LSM14A: variants seen among roughly 807,000 people sequenced by gnomAD.
The protein encoded by LSM14A is LSM14A mRNA processing body assembly factor.
A neutral mutation model predicts 52.4 loss-of-function variants in LSM14A; 14 were observed. The observed-to-expected ratio is 0.27, with a 90% CI of 0.18 to 0.42. LSM14A has a LOEUF of 0.42. Ranked by LOEUF, LSM14A falls within the 10% of genes least tolerant of loss-of-function variation. The pLI, the probability that LSM14A is intolerant of heterozygous loss-of-function variation, is 1.00. For missense variants in LSM14A, 417 were observed against 581.8 expected, an observed-to-expected ratio of 0.72 and a Z score of 2.91; for synonymous variants, 185 against 200.3, an observed-to-expected ratio of 0.92 and a Z score of 0.64.
In LSM14A at chr19:34,196,682, G is replaced by A; in HGVS notation, c.334G>A (p.Gly112Arg). The A allele has an allele frequency of 6.2e-7, 1 of 1,613,680 alleles. No individual in the cohort carries two copies. Among genetic ancestry groups the A allele is most frequent in the Non-Finnish European group, 8.5e-7 (1 of 1,179,840 alleles). The change falls in exon 3 of 10, where the codon GGA (glycine) becomes AGA (arginine). Residue 112 changes from glycine to arginine, a missense_variant. Physicochemically the swap from Gly to Arg is moderately radical, Grantham distance 125. Around this residue, in one of 2 missense-constraint regions of LSM14A, gnomAD observed 357 missense variants for 457.0 expected, o/e 0.78. Coordinates refer to ENST00000544216, the MANE Select transcript of LSM14A (RefSeq NM_015578.4). ...TSSFQSMGSY[G>R]PFGRMPTYSQ... is the part of the protein sequence containing the mutation. ...TTCATTCCAGTCCATGGGTTCTTATGGACCTTTCGGCAGGATGCCCACATA... is the reference window on the plus strand; with the variant it reads ...TTCATTCCAGTCCATGGGTTCTTATAGACCTTTCGGCAGGATGCCCACATA...
At position 34,172,658 on chromosome 19, in the gene LSM14A, C is replaced by T. The variant is rs1908116594; in HGVS notation, c.16C>T (p.Pro6Ser). ...CGGCGGCGCCATGAGCGGGGGCACC[C>T]CTTACATCGGCAGCAAGATCAGCCT... MSGGTPYIGSKISLIS... is the reference protein window; with the variant it reads MSGGTSYIGSKISLIS... The change falls in exon 1 of 10, where the codon CCT (proline) becomes TCT (serine). Residue 6 changes from proline (P) to serine (S), a missense_variant. Pro to Ser is a moderately conservative substitution (Grantham distance 74). Transcript: ENST00000544216. 1 of 1,573,934 alleles carries T rather than the reference C, an allele frequency of 6.4e-7. No individual in the cohort carries two copies. The highest frequency in any genetic ancestry group is 8.6e-7 in the Non-Finnish European group (1 of 1,162,120).
chr19:34,227,422 C>T lies in LSM14A; in HGVS notation c.*34C>T. ...CAAGTCTCTGAAAATAGGTGAATTT[C>T]TAGCTCTTCATGGTCCTGAACATTG... On this transcript the variant is annotated 3_prime_UTR_variant, in exon 10 of 10. Coordinates refer to ENST00000544216, the MANE Select transcript of LSM14A (RefSeq NM_015578.4). 3.2e-6 allele frequency: 5 copies of T among 1,539,350 alleles called. No individual in the cohort carries two copies. In the South Asian group the frequency reaches 3.6e-5, roughly 11 times the overall value.
chr19:34,207,090 C>T (rs1480570487), intron 3 of LSM14A, among the ~76,000 whole-genome samples: 1 of 152,032 alleles, frequency 6.6e-6, no homozygotes, highest in Admixed American at 6.6e-5. Context: ...AAAACTTGAC[C>T]CCTGGCTTAA....
rs2073402739 is a variant in LSM14A at position 34,227,494 on chromosome 19, G to A, written c.*106G>A. ...GAAGAAGTGAATTCGCTGTACATTT[G>A]TCACCAGCACTGGGTTTTTGTTTTT... On this transcript the variant is annotated 3_prime_UTR_variant, in exon 10 of 10. Coordinates refer to ENST00000544216, the MANE Select transcript of LSM14A (RefSeq NM_015578.4). 2 of 857,108 alleles carry A rather than the reference G, an allele frequency of 2.3e-6. No individual in the cohort carries two copies. Among genetic ancestry groups the A allele is most frequent in the Non-Finnish European group, 3.6e-6 (2 of 553,842 alleles). 53.1% of individuals were successfully genotyped at this position (857,108 alleles called of 1,614,324 possible).
chr19:34,219,645 GTGTTTTTATGTAATTCAGATTAGC>G, intron 7 of LSM14A, 37 bp from the exon 8 acceptor site: 1 of 1,564,364 alleles, frequency 6.4e-7, no homozygotes, highest in Non-Finnish European at 8.7e-7. Context: ...CTCAGATTAG[GTGTTTTTATGTAATTCAGATTAGC>G]TGTCTTGACT....
intron 1 of LSM14A, among the ~76,000 whole-genome samples, chr19:34,184,093 T>C (rs2069705856): frequency 1.3e-5 from 2 of 150,674 alleles, no homozygotes; most frequent in Admixed American, 1.3e-4. Flanking sequence ...TTTACAGTTG[T>C]CACCCAGGCT....
intron 3 of LSM14A, among the ~76,000 whole-genome samples, chr19:34,202,838 T>A (rs2071400566): frequency 6.6e-6 from 1 of 152,108 alleles, no homozygotes; most frequent in African/African-American, 2.4e-5. Context: ...GTATTTTTTT[T>A]AGTAGAGACG....
intron 1 of LSM14A, among the ~76,000 whole-genome samples, chr19:34,179,723 C>G (rs928300117): frequency 2.6e-5 from 4 of 152,100 alleles, no homozygotes. Flanking sequence ...AAAAAGAAAT[C>G]TTATCTGTGC....
At position 34,221,616 on chromosome 19, in the gene LSM14A, G is replaced by C; in HGVS notation, c.1246G>C (p.Gly416Arg). Residue 416 changes from glycine (G) to arginine (R), a missense_variant, in exon 9 of 10, where the codon GGT becomes CGT. Around this residue, in one of 2 missense-constraint regions of LSM14A, gnomAD observed 357 missense variants for 457.0 expected, o/e 0.78. Transcript: ENST00000544216. Reference protein sequence around the residue: ...RGGYRGRGGLGFRGGRGRGGG... With the variant: ...RGGYRGRGGLRFRGGRGRGGG... ...GGGATACAGAGGCAGAGGAGGTCTT[G>C]GTTTCCGTGGTGGCAGAGGGCGTGG... 1 of 1,614,144 alleles carries C rather than the reference G, an allele frequency of 6.2e-7. No individual in the cohort carries two copies. Among genetic ancestry groups the C allele is most frequent in the East Asian group, 2.2e-5 (1 of 44,880 alleles).
At chr19:34,208,792 C>T (rs2071901523) in intron 3 of LSM14A, 137 bp from the exon 4 acceptor site, 1 of 649,860 alleles carries the variant, frequency 1.5e-6, no homozygotes, top group Non-Finnish European at 2.5e-6. Flanking sequence ...CTTTAATTTC[C>T]AAGATTATTA....
chr19:34,188,440 G>A lies in LSM14A; in HGVS notation c.122-6038G>A, dbSNP rs1022666006. On this transcript the variant is annotated intron_variant, in intron 1 of 9. Coordinates refer to ENST00000544216, the MANE Select transcript of LSM14A (RefSeq NM_015578.4). ...GTAGGCTGTATTTGTAGGTGTGTGC[G>A]CACATGTGTGTTTGAAGTTGAAAAT... 6.6e-5 allele frequency among the ~76,000 whole-genome samples: 10 copies of A among 152,208 alleles called. 1 individual carries two copies. The highest frequency in any genetic ancestry group is 3.4e-3 in the Middle Eastern group (1 of 294).
intron 4 of LSM14A, among the ~76,000 whole-genome samples, chr19:34,212,541 T>G (rs1168847045): frequency 6.6e-6 from 1 of 152,176 alleles, no homozygotes; most frequent in African/African-American, 2.4e-5. Flanking sequence ...TTACATAAAG[T>G]TATGACAAAT....
At position 34,194,629 on chromosome 19, in the gene LSM14A, A is replaced by G. The variant is rs764777124; in HGVS notation, c.273A>G (p.Pro91=). Reference sequence around the variant, plus strand: ...CACAGTGTTCTTTGCCTCAAGACCCAGCTATTGTTCAGGTAACTGATGGTA... The same window carrying G: ...CACAGTGTTCTTTGCCTCAAGACCCGGCTATTGTTCAGGTAACTGATGGTA... ...PKPQCSLPQD[P]AIVQSSLGSS... The change falls in exon 2 of 10, where the codon CCA becomes CCG. Residue 91 remains proline (P), a synonymous_variant. Transcript: ENST00000544216. 2.5e-6 allele frequency: 4 copies of G among 1,614,200 alleles called. 1 individual carries two copies. In the Admixed American group the frequency reaches 6.7e-5, roughly 27 times the overall value.
intron 3 of LSM14A, among the ~76,000 whole-genome samples, chr19:34,200,696 GACTT>G (rs1250409469): frequency 6.6e-6 from 1 of 152,192 alleles, no homozygotes; most frequent in African/African-American, 2.4e-5. Context: ...ATTCCTTTTA[GACTT>G]ACTTTAGGTG....
chr19:34,193,698 A>G (rs1292683757), intron 1 of LSM14A, among the ~76,000 whole-genome samples: 2 of 152,170 alleles, frequency 1.3e-5, no homozygotes, highest in African/African-American at 4.8e-5. Context: ...CTTGGCTTCT[A>G]GAGGACTTAC....
intron 6 of LSM14A, among the ~76,000 whole-genome samples, chr19:34,217,597 T>TA (rs1159098233): frequency 7.1e-6 from 1 of 140,160 alleles, no homozygotes; most frequent in South Asian, 2.3e-4. Flanking sequence ...TATATATATA[T>TA]TTTTATATCC....
intron 2 of LSM14A, among the ~76,000 whole-genome samples, chr19:34,196,217 T>A (rs2145659371): frequency 6.6e-6 from 1 of 152,314 alleles, no homozygotes; most frequent in African/African-American, 2.4e-5. Flanking sequence ...GTGAATTTAA[T>A]AGTAGGCCTC....
At position 34,219,590 on chromosome 19, in the gene LSM14A, CT is replaced by C. The variant is rs1484187337; in HGVS notation, c.964+21del. The C allele has an allele frequency of 2.5e-6, 4 of 1,595,516 alleles. No individual in the cohort carries two copies. Among genetic ancestry groups the C allele is most frequent in the African/African-American group, 2.7e-5 (2 of 74,122 alleles). On this transcript the variant is annotated intron_variant, in intron 7 of 9. Coordinates refer to ENST00000544216, the MANE Select transcript of LSM14A (RefSeq NM_015578.4). ...AATTAAAAGGTAAGCTTTGATTTTT[CT>C]TTTCAGAAAATAATCTTATTTGATC...
At chr19:34,199,980 A>G (rs1270798016) in intron 3 of LSM14A, among the ~76,000 whole-genome samples, 7 of 152,176 alleles carry the variant, frequency 4.6e-5, no homozygotes, top group African/African-American at 1.2e-4. Context: ...TAACACAGAC[A>G]TCTGGTGGTT....
Sources: gnomAD v4.1 joint callset for allele counts (sites outside exome capture counted in the v4.1 genomes callset) on GRCh38, gnomAD v4.1.1 for gene constraint, gnomAD v4.1.1 regional missense constraint, MANE v1.5 for transcripts, NCBI Gene and HGNC (gene_info 2026-07-23, HGNC 2026-07-21) for gene names.